The following HMGA2 variants were observed in gnomAD, a reference collection of about 807,000 sequenced individuals.
HMGA2 encodes the protein high mobility group protein HMGI-C.
Under a neutral mutation model 19.1 loss-of-function variants are expected in HMGA2, and 8 were observed. The ratio of observed to expected loss-of-function variants is 0.42; its 90% CI spans 0.25 to 0.76. The LOEUF (loss-of-function observed/expected upper bound fraction) is 0.76. HMGA2 is among the 30% of genes least tolerant of loss of function. HMGA2 has a pLI of 0.28. For missense variants in HMGA2, 109 were observed against 136.3 expected (o/e 0.80, Z 1.00); for synonymous variants, 60 against 48.8 (o/e 1.23, Z -0.96).
intron 3 of HMGA2, among the ~76,000 whole-genome samples, chr12:65,894,287 TA>T (rs1874035436): frequency 6.6e-6 from 1 of 152,162 alleles, no homozygotes. Flanking sequence ...GTGTGTGGTT[TA>T]TTTTATAGGC....
intron 3 of HMGA2, among the ~76,000 whole-genome samples, chr12:65,873,198 C>T (rs7978309): frequency 0.027 from 4,108 of 152,246 alleles, 199 homozygotes; most frequent in African/African-American, 0.093. Flanking sequence ...TATGTCTCAT[C>T]TATCTTTGTA....
intron 3 of HMGA2, among the ~76,000 whole-genome samples, chr12:65,910,824 G>T (rs906016466): frequency 6.6e-6 from 1 of 152,056 alleles, no homozygotes; most frequent in African/African-American, 2.4e-5. Flanking sequence ...AAAAAAAGGG[G>T]GCTAAATACC....
chr12:65,843,487 A>C (rs1430995866), intron 3 of HMGA2: 1 of 192,186 alleles, frequency 5.2e-6, no homozygotes, highest in South Asian at 1.9e-4. Context: ...AGGATCGAGA[A>C]GGGAGAACTG....
chr12:65,917,316 G>C (rs1329497006), intron 3 of HMGA2, among the ~76,000 whole-genome samples: 1 of 152,180 alleles, frequency 6.6e-6, no homozygotes, highest in Non-Finnish European at 1.5e-5. Context: ...CCCTGGAACG[G>C]GATTGCCGCT....
chr12:65,877,392 G>A (rs1438513660), intron 3 of HMGA2, among the ~76,000 whole-genome samples: 2 of 152,140 alleles, frequency 1.3e-5, no homozygotes, highest in Non-Finnish European at 2.9e-5. Context: ...ACTGTGCAGA[G>A]AGGCCTTAGG....
intron 2 of HMGA2, chr12:65,829,068 G>A (rs1870361063): frequency 6.6e-6 from 1 of 152,058 alleles, no homozygotes; most frequent in African/African-American, 2.4e-5. Flanking sequence ...ACCGGTTTTG[G>A]GTACTCCATG....
intron 3 of HMGA2, among the ~76,000 whole-genome samples, chr12:65,852,584 T>A (rs1168566770): frequency 6.6e-6 from 1 of 152,214 alleles, no homozygotes; most frequent in African/African-American, 2.4e-5. Context: ...ATATAACTTC[T>A]AACACTTAGC....
chr12:65,860,134 A>G (rs1388560983), intron 3 of HMGA2: 1 of 398,200 alleles, frequency 2.5e-6, no homozygotes, highest in South Asian at 1.8e-5. Flanking sequence ...AGGGCATTTA[A>G]GACATCTCAC....
Position 65,965,214 on chromosome 12 carries a change from A to T in HMGA2, c.*1922A>T. The T allele has an allele frequency of 5.0e-6, 1 of 201,862 alleles. No individual in the cohort carries two copies. The highest frequency in any genetic ancestry group is 1.0e-5 in the Non-Finnish European group (1 of 97,742). The allele number at this position is 201,862 out of a possible 1,614,324, so 12.5% of individuals were successfully genotyped here. A position where few individuals can be genotyped will look rare whatever the true frequency, so the allele number is the denominator to read the frequency against. ...GCCCTGCTTTTGCATAATGCAATCA[A>T]AAATATGTGTTTTTAAGATTAGTTG... On this transcript the variant is annotated 3_prime_UTR_variant, in exon 5 of 5. Coordinates refer to ENST00000403681, the MANE Select transcript of HMGA2 (RefSeq NM_003483.6).
At chr12:65,842,153 A>T in intron 3 of HMGA2, 1 of 1,268,540 alleles carries the variant, frequency 7.9e-7, no homozygotes, top group Non-Finnish European at 1.0e-6. Flanking sequence ...CAGGCTCTGG[A>T]TTCAGATGGC....
intron 3 of HMGA2, chr12:65,857,834 T>A (rs1428662606): frequency 6.6e-6 from 1 of 152,410 alleles, no homozygotes; most frequent in East Asian, 1.9e-4. Context: ...CTAGTCCCCA[T>A]TTCCTATAAT....
intron 3 of HMGA2, chr12:65,914,676 T>G: frequency 3.5e-6 from 1 of 286,588 alleles, no homozygotes; most frequent in Non-Finnish European, 6.8e-6. Context: ...TTGTTGTTGT[T>G]ATTGTTGTTG....
At chr12:65,962,905 C>T (rs1876792506) in intron 4 of HMGA2, among the ~76,000 whole-genome samples, 1 of 152,056 alleles carries the variant, frequency 6.6e-6, no homozygotes. Context: ...GGCATGCTGT[C>T]GGGAAAAATT....
chr12:65,846,430 G>A (rs1180575263), intron 3 of HMGA2, among the ~76,000 whole-genome samples: 1 of 152,186 alleles, frequency 6.6e-6, no homozygotes, highest in Non-Finnish European at 1.5e-5. Flanking sequence ...GATGCTGAAA[G>A]AGTCCTGTTT....
chr12:65,938,372 GT>G (rs769888256), intron 3 of HMGA2, among the ~76,000 whole-genome samples: 19 of 152,294 alleles, frequency 1.2e-4, no homozygotes, highest in Non-Finnish European at 1.5e-4. Context: ...AAAGCATACA[GT>G]AGGAATTATC....
chr12:65,945,685 G>T (rs1159418049), intron 3 of HMGA2, among the ~76,000 whole-genome samples: 1 of 152,122 alleles, frequency 6.6e-6, no homozygotes, highest in African/African-American at 2.4e-5. Context: ...ATGGTTCATG[G>T]CCATTTGGAG....
At chr12:65,870,614 C>T (rs1872662882) in intron 3 of HMGA2, among the ~76,000 whole-genome samples, 1 of 152,188 alleles carries the variant, frequency 6.6e-6, no homozygotes, top group African/African-American at 2.4e-5. Flanking sequence ...CCTGTAATCC[C>T]AGCTACTTGG....
At chr12:65,936,156 T>C (rs1386861152) in intron 3 of HMGA2, among the ~76,000 whole-genome samples, 1 of 152,178 alleles carries the variant, frequency 6.6e-6, no homozygotes, top group Non-Finnish European at 1.5e-5. Flanking sequence ...TTGTTCCTTG[T>C]TAATATTATG....
At chr12:65,845,997 G>C (rs1034324121) in intron 3 of HMGA2, among the ~76,000 whole-genome samples, 1 of 152,132 alleles carries the variant, frequency 6.6e-6, no homozygotes, top group Admixed American at 6.5e-5. Context: ...CCACCAGATG[G>C]GGGGCAGGGT....
Sources: allele counts gnomAD v4.1 joint callset (sites outside exome capture counted in the v4.1 genomes callset), GRCh38; gene constraint gnomAD v4.1.1; transcripts MANE v1.5; gene names NCBI Gene and HGNC (gene_info 2026-07-23, HGNC 2026-07-21).